The following TOGARAM2 variants were observed in gnomAD, a reference collection of about 807,000 sequenced individuals.
TOGARAM2 encodes TOG array regulator of axonemal microtubules protein 2.
Under a neutral mutation model 93.3 loss-of-function variants are expected in TOGARAM2, and 85 were observed. That is an observed-to-expected ratio of 0.91 (90% CI 0.76 to 1.09). The LOEUF (loss-of-function observed/expected upper bound fraction) is 1.09. TOGARAM2 is among the 50% of genes least tolerant of loss of function. TOGARAM2 has a pLI of 0.00. For missense variants in TOGARAM2, 1,277 were observed against 1,334.5 expected (o/e 0.96, Z 0.67); for synonymous variants, 593 against 552.8 (o/e 1.07, Z -1.02).
At chr2:29,018,304 G>A (rs796993172) in intron 10 of TOGARAM2, 1 of 240,074 alleles carries the variant, frequency 4.2e-6, no homozygotes, top group Non-Finnish European at 8.0e-6. Flanking sequence ...GAGAGGATTG[G>A]GGAAGACCTC....
At chr2:28,987,420 G>A (rs946710074) in intron 1 of TOGARAM2, among the ~76,000 whole-genome samples, 2 of 152,122 alleles carry the variant, frequency 1.3e-5, no homozygotes, top group African/African-American at 4.8e-5. Context: ...CTCCCGAGTA[G>A]CTGGGACCGC....
chr2:28,992,408 GC>G (rs1227913636), intron 1 of TOGARAM2, among the ~76,000 whole-genome samples: 1 of 152,150 alleles, frequency 6.6e-6, no homozygotes, highest in Non-Finnish European at 1.5e-5. Flanking sequence ...TGGAGGGGAT[GC>G]TTTGGCGAGC....
intron 18 of TOGARAM2, among the ~76,000 whole-genome samples, chr2:29,043,755 G>A (rs1180687915): frequency 2.0e-5 from 3 of 152,216 alleles, no homozygotes; most frequent in African/African-American, 7.2e-5. Context: ...CAAGGAGAAG[G>A]TTCTGATGAT....
At chr2:28,959,625 C>T (rs112210706) in intron 1 of TOGARAM2, among the ~76,000 whole-genome samples, 15 of 151,522 alleles carry the variant, frequency 9.9e-5, no homozygotes, top group Non-Finnish European at 1.6e-4. Context: ...TAGTGGCGGG[C>T]GCCTGTAGTC....
chr2:29,002,892 C>T (rs1673393107), intron 5 of TOGARAM2, 145 bp downstream of exon 5: 2 of 747,084 alleles, frequency 2.7e-6, no homozygotes, highest in Non-Finnish European at 2.2e-6. Flanking sequence ...AGGATAGGGA[C>T]AGCACTGGGA....
chr2:29,011,389 G>T (rs979427784), intron 6 of TOGARAM2, 66 bp from the exon 7 acceptor site: 58 of 1,524,600 alleles, frequency 3.8e-5, no homozygotes, highest in Non-Finnish European at 4.7e-5. Context: ...GCCACCCTGG[G>T]CTCCCCCAGC....
In TOGARAM2 at chr2:29,033,178, C is replaced by T. The variant is rs544773679; in HGVS notation, c.2130+127C>T. 75 of 761,508 alleles carry T rather than the reference C, an allele frequency of 9.8e-5. No homozygotes were observed. The African/African-American group carries it at 1.2e-3, about 12-fold the overall frequency. The allele number at this position is 761,508 out of a possible 1,614,324, so 47.2% of individuals were successfully genotyped here. A position where few individuals can be genotyped will look rare whatever the true frequency, so the allele number is the denominator to read the frequency against. On this transcript the variant is annotated intron_variant, in intron 15 of 19. Transcript: ENST00000379558. The stretch of plus-strand genomic sequence containing the variant: ...CCAGAGATGTTGATTTCATCCACTA[C>T]TCCTGATAGGTGAGATAGATGTGAT...
chr2:28,987,676 C>T (rs1672530927), intron 1 of TOGARAM2, among the ~76,000 whole-genome samples: 1 of 152,240 alleles, frequency 6.6e-6, no homozygotes, highest in South Asian at 2.1e-4. Context: ...GTCCCTTTGT[C>T]TGCATTCTGT....
At chr2:28,982,103 G>T (rs1029778203) in intron 1 of TOGARAM2, among the ~76,000 whole-genome samples, 3 of 152,170 alleles carry the variant, frequency 2.0e-5, no homozygotes, top group Non-Finnish European at 2.9e-5. Flanking sequence ...GTGAAGAAGG[G>T]TTTAAAAAAA....
At chr2:28,983,144 T>C (rs1014250331) in intron 1 of TOGARAM2, among the ~76,000 whole-genome samples, 3 of 147,144 alleles carry the variant, frequency 2.0e-5, no homozygotes, top group Non-Finnish European at 4.5e-5. Flanking sequence ...CACACCACCA[T>C]GCCCGGCTAA....
At chr2:28,966,506 C>T (rs1671870392) in intron 1 of TOGARAM2, among the ~76,000 whole-genome samples, 1 of 151,940 alleles carries the variant, frequency 6.6e-6, no homozygotes, top group African/African-American at 2.4e-5. Flanking sequence ...CCATGTTGGC[C>T]AGGATGGTCT....
At chr2:29,010,083 G>A (rs1017032448) in intron 6 of TOGARAM2, among the ~76,000 whole-genome samples, 5 of 151,944 alleles carry the variant, frequency 3.3e-5, no homozygotes, top group African/African-American at 1.2e-4. Flanking sequence ...GGGGGAGGCT[G>A]CAGCTCAGGG....
intron 5 of TOGARAM2, 50 bp downstream of exon 5, chr2:29,002,797 C>A (rs1220456843): frequency 6.5e-7 from 1 of 1,534,554 alleles, no homozygotes; most frequent in South Asian, 1.2e-5. Flanking sequence ...CTTGCCCTCC[C>A]TTCCTCCTGC....
intron 14 of TOGARAM2, among the ~76,000 whole-genome samples, chr2:29,029,753 C>CT (rs1006172701): frequency 1.4e-5 from 1 of 74,010 alleles, no homozygotes; most frequent in African/African-American, 4.9e-5. Flanking sequence ...AAGGCTCTGT[C>CT]TAAAAAAAAA....
chr2:28,962,109 T>C (rs1292985869), intron 1 of TOGARAM2, among the ~76,000 whole-genome samples: 1 of 152,118 alleles, frequency 6.6e-6, no homozygotes, highest in Non-Finnish European at 1.5e-5. Flanking sequence ...TATCATCTTT[T>C]TGGGACACGT....
chr2:29,031,587 A>G (rs1665768080), intron 14 of TOGARAM2, among the ~76,000 whole-genome samples: 1 of 152,250 alleles, frequency 6.6e-6, no homozygotes, highest in East Asian at 1.9e-4. Context: ...GAGAAAAGGC[A>G]TGGCAACGTC....
chr2:28,966,148 G>A (rs559010418), intron 1 of TOGARAM2, among the ~76,000 whole-genome samples: 1 of 151,994 alleles, frequency 6.6e-6, no homozygotes, highest in East Asian at 1.9e-4. Context: ...GCGCCACCAC[G>A]CCTGGCTAGT....
chr2:28,961,995 T>C (rs1671809792), intron 1 of TOGARAM2, among the ~76,000 whole-genome samples: 1 of 152,224 alleles, frequency 6.6e-6, no homozygotes, highest in Non-Finnish European at 1.5e-5. Context: ...CATTTATCAT[T>C]GATGGGATTT....
intron 13 of TOGARAM2, among the ~76,000 whole-genome samples, chr2:29,024,912 C>T (rs1456344955): frequency 6.6e-6 from 1 of 152,208 alleles, no homozygotes; most frequent in Non-Finnish European, 1.5e-5. Flanking sequence ...GGACCTGCTC[C>T]TGGGGAGGGG....
Sources: gnomAD v4.1 joint callset for allele counts (sites outside exome capture counted in the v4.1 genomes callset) on GRCh38, gnomAD v4.1.1 for gene constraint, MANE v1.5 for transcripts, NCBI Gene and HGNC (gene_info 2026-07-23, HGNC 2026-07-21) for gene names.